EXOC6B: variants seen among roughly 807,000 people sequenced by gnomAD.
The protein encoded by EXOC6B is SEC15 homolog B.
In EXOC6B, 54 loss-of-function variants were observed where a neutral mutation model predicts 113.5. That is an observed-to-expected ratio of 0.48 (90% CI 0.38 to 0.60). EXOC6B has a LOEUF of 0.60. Among genes scored for constraint, EXOC6B ranks in the 20% least tolerant of loss-of-function variants. The probability of loss-of-function intolerance (pLI) is 0.00; values close to 1 mark genes in which losing one functional copy is unlikely to be tolerated. For synonymous variants in EXOC6B, 357 were observed against 339.0 expected, an observed-to-expected ratio of 1.05 and a Z score of -0.58; for missense variants, 797 against 977.5, an observed-to-expected ratio of 0.82 and a Z score of 2.46.
chr2:72,556,755 A>AT (rs1183604050), intron 8 of EXOC6B, among the ~76,000 whole-genome samples: 1 of 151,854 alleles, frequency 6.6e-6, no homozygotes, highest in Non-Finnish European at 1.5e-5. Flanking sequence ...TATTTTAAAA[A>AT]AAAACTCAAA....
intron 8 of EXOC6B, among the ~76,000 whole-genome samples, chr2:72,531,117 G>A (rs370343126): frequency 6.6e-6 from 1 of 152,030 alleles, no homozygotes; most frequent in East Asian, 1.9e-4. Context: ...GTTGTTTTAT[G>A]TTCATTCTCT....
chr2:72,780,284 A>C (rs1683948032), intron 1 of EXOC6B, among the ~76,000 whole-genome samples: 2 of 152,190 alleles, frequency 1.3e-5, no homozygotes, highest in Non-Finnish European at 2.9e-5. Context: ...GAATTTTCTA[A>C]ATTTCCAAAT....
intron 1 of EXOC6B, among the ~76,000 whole-genome samples, chr2:72,809,068 C>T (rs1287914756): frequency 6.6e-6 from 1 of 151,594 alleles, no homozygotes; most frequent in Non-Finnish European, 1.5e-5. Flanking sequence ...TCTGTCTCAA[C>T]AACAACAACA....
intron 8 of EXOC6B, chr2:72,515,609 A>T: frequency 2.0e-6 from 2 of 993,588 alleles, no homozygotes; most frequent in Non-Finnish European, 2.4e-6. Flanking sequence ...GTTATAATCC[A>T]GCACAGGATT....
At chr2:72,624,807 T>C (rs1004494707) in intron 6 of EXOC6B, among the ~76,000 whole-genome samples, 3 of 152,112 alleles carry the variant, frequency 2.0e-5, no homozygotes, top group Non-Finnish European at 4.4e-5. Context: ...ACTAGCCAGG[T>C]ACCATTCTAA....
chr2:72,553,333 A>G (rs1295949380), intron 8 of EXOC6B, among the ~76,000 whole-genome samples: 1 of 152,114 alleles, frequency 6.6e-6, no homozygotes, highest in African/African-American at 2.4e-5. Flanking sequence ...TTCCTCTTCC[A>G]TGACTGGGAT....
intron 20 of EXOC6B, among the ~76,000 whole-genome samples, chr2:72,327,040 G>T (rs556387742): frequency 4.5e-4 from 68 of 152,110 alleles, no homozygotes; most frequent in African/African-American, 1.5e-3. Context: ...TACCCAAAAG[G>T]TTGTCAGAAC....
chr2:72,278,150 G>A (rs1684915190), intron 20 of EXOC6B, among the ~76,000 whole-genome samples: 1 of 152,150 alleles, frequency 6.6e-6, no homozygotes, highest in South Asian at 2.1e-4. Context: ...TGCAGAATTT[G>A]TCATTTTGAG....
At chr2:72,737,369 C>G (rs1231581432) in intron 2 of EXOC6B, among the ~76,000 whole-genome samples, 2 of 151,602 alleles carry the variant, frequency 1.3e-5, no homozygotes, top group Non-Finnish European at 2.9e-5. Flanking sequence ...AAAAAAAGTT[C>G]TTTAATATAC....
At chr2:72,706,863 G>A (rs762237428) in intron 6 of EXOC6B, among the ~76,000 whole-genome samples, 1 of 152,124 alleles carries the variant, frequency 6.6e-6, no homozygotes, top group Non-Finnish European at 1.5e-5. Flanking sequence ...CCAAGGCTAG[G>A]TCAAATAAAG....
At chr2:72,335,697 A>G (rs1688655402) in intron 19 of EXOC6B, among the ~76,000 whole-genome samples, 1 of 151,968 alleles carries the variant, frequency 6.6e-6, no homozygotes, top group African/African-American at 2.4e-5. Flanking sequence ...TCACTGCAAA[A>G]CTTAGGGAAC....
intron 1 of EXOC6B, among the ~76,000 whole-genome samples, chr2:72,755,587 A>C (rs1682362638): frequency 6.6e-6 from 1 of 152,244 alleles, no homozygotes; most frequent in East Asian, 1.9e-4. Flanking sequence ...AGCAGTGCAA[A>C]TAATTTGCAC....
At chr2:72,677,215 G>C (rs1464033043) in intron 6 of EXOC6B, among the ~76,000 whole-genome samples, 2 of 152,008 alleles carry the variant, frequency 1.3e-5, no homozygotes, top group African/African-American at 4.8e-5. Flanking sequence ...TACACAGATG[G>C]GGGAATGAGT....
At chr2:72,535,458 C>T (rs1702229038) in intron 8 of EXOC6B, among the ~76,000 whole-genome samples, 1 of 152,150 alleles carries the variant, frequency 6.6e-6, no homozygotes, top group Non-Finnish European at 1.5e-5. Flanking sequence ...GCACCAAAGT[C>T]TTTTCATATT....
At chr2:72,383,974 A>G (rs1255585956) in intron 18 of EXOC6B, among the ~76,000 whole-genome samples, 1 of 152,080 alleles carries the variant, frequency 6.6e-6, no homozygotes, top group Non-Finnish European at 1.5e-5. Context: ...AAAGAGGGGA[A>G]TAACAGATGC....
At chr2:72,318,573 G>C (rs951931599) in intron 20 of EXOC6B, among the ~76,000 whole-genome samples, 1 of 151,996 alleles carries the variant, frequency 6.6e-6, no homozygotes, top group Non-Finnish European at 1.5e-5. Context: ...TGTACTATTA[G>C]TAGAAACTGG....
intron 18 of EXOC6B, among the ~76,000 whole-genome samples, chr2:72,434,083 C>A (rs1043664812): frequency 5.3e-5 from 8 of 152,118 alleles, no homozygotes; most frequent in African/African-American, 1.9e-4. Flanking sequence ...GTTCCATCAA[C>A]ACCTAGCTTA....
chr2:72,814,561 C>T (rs1390501406), intron 1 of EXOC6B, among the ~76,000 whole-genome samples: 1 of 152,164 alleles, frequency 6.6e-6, no homozygotes, highest in African/African-American at 2.4e-5. Context: ...GGTTCTTGCT[C>T]CCTTAAATGT....
intron 6 of EXOC6B, among the ~76,000 whole-genome samples, chr2:72,597,516 G>T (rs1039752849): frequency 6.6e-6 from 1 of 151,770 alleles, no homozygotes; most frequent in Non-Finnish European, 1.5e-5. Flanking sequence ...AGGAAAAAAA[G>T]ATTTTTTTAA....
Sources: allele counts gnomAD v4.1 joint callset (sites outside exome capture counted in the v4.1 genomes callset), GRCh38; gene constraint gnomAD v4.1.1; transcripts MANE v1.5; gene names NCBI Gene and HGNC (gene_info 2026-07-23, HGNC 2026-07-21).